The following MCCC2 variants were observed in gnomAD, a reference collection of about 807,000 sequenced individuals.
The protein encoded by MCCC2 is methylcrotonoyl-CoA carboxylase beta chain, mitochondrial.
In MCCC2, 52 loss-of-function variants were observed where a neutral mutation model predicts 77.2. The ratio of observed to expected loss-of-function variants is 0.67; its 90% CI spans 0.54 to 0.85. The LOEUF is 0.85. MCCC2 is among the 40% of genes least tolerant of loss of function. The pLI, the probability that MCCC2 is intolerant of heterozygous loss-of-function variation, is 0.00. For missense variants in MCCC2, 682 were observed against 703.2 expected, an observed-to-expected ratio of 0.97 and a Z score of 0.34; for synonymous variants, 253 against 248.4, an observed-to-expected ratio of 1.02 and a Z score of -0.18.
At position 71,604,363 on chromosome 5, in the gene MCCC2, G is replaced by T. The variant is rs757075066; in HGVS notation, c.519G>T (p.Ser173=). ...CTCATTTCTTGTCTTCAGTTGATTC[G>T]GGAGGAGCATACTTACCTCGACAAG... ...NRLPCIYLVD[S]GGAYLPRQAD... is the part of the protein sequence containing the mutation. Residue 173 remains serine (S), a synonymous_variant, in exon 6 of 17, where the codon TCG becomes TCT. Transcript: ENST00000340941. The T allele has an allele frequency of 6.2e-7, 1 of 1,613,770 alleles. No individual in the cohort carries two copies. Among genetic ancestry groups the T allele is most frequent in the Admixed American group, 1.7e-5 (1 of 60,008 alleles).
chr5:71,656,191 G>A (rs1747574531), intron 16 of MCCC2, among the ~76,000 whole-genome samples: 2 of 152,164 alleles, frequency 1.3e-5, no homozygotes, highest in African/African-American at 2.4e-5. Flanking sequence ...CTGCACTCCA[G>A]CCTGGGTGAC....
At chr5:71,651,926 A>G (rs1747449967) in intron 15 of MCCC2, among the ~76,000 whole-genome samples, 1 of 152,226 alleles carries the variant, frequency 6.6e-6, no homozygotes, top group Non-Finnish European at 1.5e-5. Flanking sequence ...ATTTTTATAC[A>G]GGAAAGGAAA....
intron 2 of MCCC2, among the ~76,000 whole-genome samples, chr5:71,595,219 T>C (rs576732573): frequency 1.3e-4 from 20 of 151,636 alleles, no homozygotes; most frequent in Non-Finnish European, 2.5e-4. Context: ...GGCAGGAGAA[T>C]TGCATGAAGC....
At chr5:71,640,401 T>C (rs1443469609) in intron 10 of MCCC2, among the ~76,000 whole-genome samples, 1 of 150,870 alleles carries the variant, frequency 6.6e-6, no homozygotes, top group African/African-American at 2.4e-5. Flanking sequence ...TTTTTTTTTT[T>C]TTAACAGATG....
chr5:71,655,867 A>G (rs1747563085), intron 16 of MCCC2, among the ~76,000 whole-genome samples: 1 of 152,198 alleles, frequency 6.6e-6, no homozygotes, highest in Non-Finnish European at 1.5e-5. Context: ...TGTTTTTCCT[A>G]TTGTAGCAAA....
chr5:71,604,591 T>A, intron 6 of MCCC2, 123 bp downstream of exon 6: 1 of 785,768 alleles, frequency 1.3e-6, no homozygotes, highest in Non-Finnish European at 2.1e-6. Flanking sequence ...TCTTTTTTTT[T>A]TTTTTATACT....
rs528500942 is a variant in MCCC2 at position 71,639,903 on chromosome 5, G to A, written c.1000-1100G>A. Among the ~76,000 whole-genome samples the A allele has an allele frequency of 1.6e-4, 25 of 152,288 alleles. No homozygotes were observed. The South Asian group carries it at 2.5e-3, about 15-fold the overall frequency. On this transcript the variant is annotated intron_variant, in intron 10 of 16. Transcript: ENST00000340941. ...TAAACTTTTACTTGATGGTGAGAAAGATGTTGGGAAGCATTCACTCAGTTT... is the reference window on the plus strand; with the variant it reads ...TAAACTTTTACTTGATGGTGAGAAAAATGTTGGGAAGCATTCACTCAGTTT...
In MCCC2 at chr5:71,649,189, A is replaced by G. The variant is rs119103224; in HGVS notation, c.1309A>G (p.Ile437Val). The G allele has an allele frequency of 4.2e-5, 68 of 1,614,094 alleles. No homozygotes were observed. Among genetic ancestry groups the G allele is most frequent in the Non-Finnish European group, 5.7e-5 (67 of 1,180,028 alleles). ...AAVACAQVPK[I>V]TLIIGGSYGA... ...TGTGGCCTGTGCCCAAGTGCCTAAG[A>G]TAACCCTCATCATTGGGGGCTCCTA... is the stretch of plus-strand genomic sequence containing the variant. Residue 437 changes from isoleucine to valine, a missense_variant, in exon 14 of 17, where the codon ATA becomes GTA. Ile to Val is a conservative substitution (Grantham distance 29). Coordinates refer to ENST00000340941, the MANE Select transcript of MCCC2 (RefSeq NM_022132.5).
At position 71,598,095 on chromosome 5, in the gene MCCC2, A is replaced by G. The variant is rs1205018081; in HGVS notation, c.282-1564A>G. 2.9e-5 allele frequency among the ~76,000 whole-genome samples: 4 copies of G among 138,190 alleles called. No homozygotes were observed. In the East Asian group the frequency reaches 8.3e-4, roughly 29 times the overall value. The allele number at this position is 138,190 out of a possible 152,430, so 90.7% of individuals were successfully genotyped here. On this transcript the variant is annotated intron_variant, in intron 3 of 16. Coordinates refer to ENST00000340941, the MANE Select transcript of MCCC2 (RefSeq NM_022132.5). ...TCTTTTTTTTTTTTTTTTTTTTGAG[A>G]CGGAGTCTCACTCTGTCACCAGGCT... is the stretch of plus-strand genomic sequence containing the variant.
At chr5:71,612,914 C>T (rs983358265) in intron 6 of MCCC2, among the ~76,000 whole-genome samples, 6 of 152,136 alleles carry the variant, frequency 3.9e-5, no homozygotes, top group Non-Finnish European at 7.3e-5. Flanking sequence ...TTCTGGAAGC[C>T]ATAACTCTGC....
At chr5:71,589,937 T>G (rs1744909872) in intron 1 of MCCC2, among the ~76,000 whole-genome samples, 1 of 152,180 alleles carries the variant, frequency 6.6e-6, no homozygotes, top group Admixed American at 6.5e-5. Context: ...TCTATAATGC[T>G]TCTCACTCAC....
rs895105338 is a variant in MCCC2 at position 71,656,524 on chromosome 5, A to G, written c.1575-219A>G. On this transcript the variant is annotated intron_variant, in intron 16 of 16. Coordinates refer to ENST00000340941, the MANE Select transcript of MCCC2 (RefSeq NM_022132.5). Reference sequence around the variant, plus strand: ...CCTTAAGCCTTAAGCCTGACATGACATTCTGTGGTGGCCTGGGATGAAGGT... The same window carrying G: ...CCTTAAGCCTTAAGCCTGACATGACGTTCTGTGGTGGCCTGGGATGAAGGT... Among the ~76,000 whole-genome samples, 4 of 152,160 alleles carry G rather than the reference A, an allele frequency of 2.6e-5. No homozygotes were observed. In the East Asian group the frequency reaches 7.7e-4, roughly 29 times the overall value.
In MCCC2 at chr5:71,587,527, G is replaced by A. The variant is rs1320538722; in HGVS notation, c.102G>A (p.Gln34=). The stretch of plus-strand genomic sequence containing the variant: ...ACTCGGTGGCCTCGCTGGGCACCCA[G>A]CCGGACTTGGGCTCTGCCCTCTACC... ...HGDSVASLGT[Q]PDLGSALYQE... Residue 34 remains glutamine (Q), a synonymous_variant, in exon 1 of 17, where the codon CAG becomes CAA. Coordinates refer to ENST00000340941, the MANE Select transcript of MCCC2 (RefSeq NM_022132.5). 1 of 1,538,174 alleles carries A rather than the reference G, an allele frequency of 6.5e-7. No homozygotes were observed.
Position 71,589,421 on chromosome 5 carries a change from C to T in MCCC2, c.129+1867C>T, listed in dbSNP as rs116255973. Among the ~76,000 whole-genome samples, 330 of 152,362 alleles carry T rather than the reference C, an allele frequency of 2.2e-3. 2 individuals are homozygous for T. Among genetic ancestry groups the T allele is most frequent in the African/African-American group, 7.6e-3 (318 of 41,596 alleles). ...AGCTGCTGCTGTGACTGTTCCACTGCAGGGTAGGTTCAGGTCTGCTCCATG... is the reference window on the plus strand; with the variant it reads ...AGCTGCTGCTGTGACTGTTCCACTGTAGGGTAGGTTCAGGTCTGCTCCATG... On this transcript the variant is annotated intron_variant, in intron 1 of 16. Transcript: ENST00000340941.
intron 6 of MCCC2, among the ~76,000 whole-genome samples, chr5:71,622,731 C>G (rs1045979319): frequency 1.3e-5 from 2 of 152,226 alleles, no homozygotes; most frequent in African/African-American, 4.8e-5. Flanking sequence ...TCTTGAACTC[C>G]TGGCTTCAAG....
intron 7 of MCCC2, among the ~76,000 whole-genome samples, chr5:71,631,696 G>A (rs990926468): frequency 1.5e-4 from 23 of 149,932 alleles, no homozygotes; most frequent in South Asian, 2.1e-4. Flanking sequence ...GCCCGCCACC[G>A]CGCCCAGCTA....
At chr5:71,588,187 T>G (rs1351805457) in intron 1 of MCCC2, among the ~76,000 whole-genome samples, 1 of 151,464 alleles carries the variant, frequency 6.6e-6, no homozygotes, top group African/African-American at 2.4e-5. Context: ...GGGAATCGCT[T>G]GAACTTGGGA....
chr5:71,608,573 T>G (rs1745787100), intron 6 of MCCC2, among the ~76,000 whole-genome samples: 2 of 151,828 alleles, frequency 1.3e-5, no homozygotes, highest in African/African-American at 2.4e-5. Context: ...TTAGTCCATT[T>G]ACATTTAAAG....
At chr5:71,616,382 G>A (rs149629417) in intron 6 of MCCC2, among the ~76,000 whole-genome samples, 3 of 152,290 alleles carry the variant, frequency 2.0e-5, no homozygotes, top group East Asian at 3.9e-4. Flanking sequence ...CATCTTGTAG[G>A]ACTGAGCCCT....
Sources: allele counts gnomAD v4.1 joint callset (sites outside exome capture counted in the v4.1 genomes callset), GRCh38; gene constraint gnomAD v4.1.1; transcripts MANE v1.5; gene names NCBI Gene and HGNC (gene_info 2026-07-23, HGNC 2026-07-21).